Variants in IMMP2L observed in about 807,000 individuals in gnomAD.
The protein encoded by IMMP2L is inner mitochondrial membrane peptidase subunit 2.
IMMP2L carries 18 observed loss-of-function variants against 19.3 expected under a neutral mutation model. The observed-to-expected ratio is 0.93, with a 90% CI of 0.64 to 1.38. The LOEUF (loss-of-function observed/expected upper bound fraction) is 1.38, where lower values mean the gene tolerates loss of function less well. Ranked by LOEUF, IMMP2L falls within the 40% of genes most tolerant of loss-of-function variation. The pLI is 0.00. For missense variants in IMMP2L, 233 were observed against 218.2 expected, an observed-to-expected ratio of 1.07 and a Z score of -0.43; for synonymous variants, 76 against 73.0, an observed-to-expected ratio of 1.04 and a Z score of -0.21.
chr7:110,980,373 C>T (rs1485857224), intron 3 of IMMP2L, among the ~76,000 whole-genome samples: 11 of 151,702 alleles, frequency 7.3e-5, no homozygotes, highest in African/African-American at 2.4e-4. Context: ...GGACTACAGG[C>T]GCCCACCACC....
chr7:110,828,719 C>G (rs1803713123), intron 5 of IMMP2L, among the ~76,000 whole-genome samples: 1 of 152,060 alleles, frequency 6.6e-6, no homozygotes, highest in South Asian at 2.1e-4. Flanking sequence ...AAAACACTAA[C>G]AAGACTCTCC....
Position 110,663,450 on chromosome 7 carries a change from T to G in IMMP2L, c.*152A>C. The G allele has an allele frequency of 1.7e-6, 1 of 591,956 alleles. No homozygotes were observed. Among genetic ancestry groups the G allele is most frequent in the Non-Finnish European group, 2.8e-6 (1 of 353,834 alleles). 36.7% of individuals were successfully genotyped at this position (591,956 alleles called of 1,614,324 possible). A position where few individuals can be genotyped will look rare whatever the true frequency, so the allele number is the denominator to read the frequency against. On this transcript the variant is annotated 3_prime_UTR_variant, in exon 6 of 6. Transcript: ENST00000405709. The stretch of plus-strand genomic sequence containing the variant: ...ATACTGTTTAACATTTGAAAATTAT[T>G]TATTTAATAATACAGATCGTTTTAA...
At chr7:111,283,841 G>GGC (rs1820181520) in intron 3 of IMMP2L, among the ~76,000 whole-genome samples, 1 of 150,032 alleles carries the variant, frequency 6.7e-6, no homozygotes, top group South Asian at 2.1e-4. Flanking sequence ...CGTAGTGGCG[G>GGC]GCGCCTGTAG....
chr7:111,086,760 C>T (rs969586879), intron 3 of IMMP2L, among the ~76,000 whole-genome samples: 6 of 152,190 alleles, frequency 3.9e-5, no homozygotes, highest in Admixed American at 6.5e-5. Flanking sequence ...CTGAGCATAT[C>T]GACTCATTTT....
chr7:111,419,449 T>G (rs1186361536), intron 3 of IMMP2L, among the ~76,000 whole-genome samples: 3 of 151,622 alleles, frequency 2.0e-5, no homozygotes. Flanking sequence ...GGGAACTGCT[T>G]AGGACAAACC....
intron 4 of IMMP2L, among the ~76,000 whole-genome samples, chr7:110,903,869 C>T (rs1326304234): frequency 1.3e-5 from 2 of 151,888 alleles, no homozygotes; most frequent in African/African-American, 4.8e-5. Context: ...CCAATTTCTC[C>T]ACGCCTTCAC....
chr7:111,295,278 C>T (rs947717986), intron 3 of IMMP2L, among the ~76,000 whole-genome samples: 3 of 151,778 alleles, frequency 2.0e-5, no homozygotes, highest in Non-Finnish European at 4.4e-5. Context: ...GATATATTGC[C>T]TGAGGTCCCC....
At chr7:110,692,274 T>C (rs1327320415) in intron 5 of IMMP2L, among the ~76,000 whole-genome samples, 1 of 152,142 alleles carries the variant, frequency 6.6e-6, no homozygotes, top group Non-Finnish European at 1.5e-5. Flanking sequence ...TTCTCATTCA[T>C]AAGTGAGAGC....
chr7:111,021,122 A>G (rs1035492547), intron 3 of IMMP2L, among the ~76,000 whole-genome samples: 2 of 152,212 alleles, frequency 1.3e-5, no homozygotes, highest in African/African-American at 4.8e-5. Context: ...ACTGCTCAAT[A>G]TAGAGAGTGG....
At chr7:111,341,194 T>C (rs1826973832) in intron 3 of IMMP2L, among the ~76,000 whole-genome samples, 1 of 152,146 alleles carries the variant, frequency 6.6e-6, no homozygotes, top group African/African-American at 2.4e-5. Flanking sequence ...AGCTGTGTAA[T>C]CAATCTTTAA....
chr7:111,193,266 C>G (rs1041324319), intron 3 of IMMP2L, among the ~76,000 whole-genome samples: 2 of 152,002 alleles, frequency 1.3e-5, no homozygotes, highest in African/African-American at 4.8e-5. Context: ...TTGCAGGAAG[C>G]AGGGAATAAC....
At chr7:111,561,443 TA>T (rs1792035942) in intron 1 of IMMP2L, among the ~76,000 whole-genome samples, 1 of 152,108 alleles carries the variant, frequency 6.6e-6, no homozygotes, top group Admixed American at 6.5e-5. Context: ...TAAACATCCC[TA>T]GGGGGGTTAC....
At chr7:111,204,490 T>C (rs1810488651) in intron 3 of IMMP2L, among the ~76,000 whole-genome samples, 1 of 152,186 alleles carries the variant, frequency 6.6e-6, no homozygotes, top group Admixed American at 6.5e-5. Context: ...AGTTGATCTA[T>C]ATTATGTGTA....
At chr7:110,791,866 A>C (rs1800478875) in intron 5 of IMMP2L, among the ~76,000 whole-genome samples, 1 of 151,838 alleles carries the variant, frequency 6.6e-6, no homozygotes, top group African/African-American at 2.4e-5. Flanking sequence ...CTATCAGAGA[A>C]GTCACTCCTC....
chr7:110,691,564 A>C (rs1219066008), intron 5 of IMMP2L, among the ~76,000 whole-genome samples: 4 of 152,190 alleles, frequency 2.6e-5, no homozygotes, highest in Non-Finnish European at 5.9e-5. Flanking sequence ...TACACATCTG[A>C]TAAAGGACTA....
chr7:110,835,140 C>G (rs1443245736), intron 5 of IMMP2L, among the ~76,000 whole-genome samples: 1 of 152,038 alleles, frequency 6.6e-6, no homozygotes, highest in Admixed American at 6.6e-5. Context: ...CTTTAGTGCT[C>G]AGAGCAGGAA....
At chr7:111,178,180 T>C (rs544511484) in intron 3 of IMMP2L, among the ~76,000 whole-genome samples, 43 of 152,140 alleles carry the variant, frequency 2.8e-4, no homozygotes, top group Admixed American at 1.6e-3. Flanking sequence ...ATAAAGCAAG[T>C]CATATAAATT....
chr7:111,229,581 T>C (rs1301448699), intron 3 of IMMP2L, among the ~76,000 whole-genome samples: 3 of 152,146 alleles, frequency 2.0e-5, no homozygotes, highest in East Asian at 3.9e-4. Flanking sequence ...CTAGGGTTGA[T>C]TGTGTGGTTT....
intron 3 of IMMP2L, among the ~76,000 whole-genome samples, chr7:111,336,999 T>A (rs1027407800): frequency 3.3e-5 from 5 of 152,058 alleles, no homozygotes; most frequent in African/African-American, 1.2e-4. Flanking sequence ...ATTGTTCCAA[T>A]CTTTTCTCAA....
Sources: allele counts gnomAD v4.1 joint callset (sites outside exome capture counted in the v4.1 genomes callset), GRCh38; gene constraint gnomAD v4.1.1; transcripts MANE v1.5; gene names NCBI Gene and HGNC (gene_info 2026-07-23, HGNC 2026-07-21).